ROBO1: variants seen among roughly 807,000 people sequenced by gnomAD.
ROBO1 encodes the protein roundabout homolog 1.
ROBO1 carries 149 observed loss-of-function variants against 195.9 expected under a neutral mutation model. The observed-to-expected ratio is 0.76, with a 90% CI of 0.67 to 0.87. ROBO1 has a LOEUF of 0.87. Ranked by LOEUF, ROBO1 falls within the 40% of genes least tolerant of loss-of-function variation. ROBO1 has a pLI of 0.00. For synonymous variants in ROBO1, 816 were observed against 733.2 expected (o/e 1.11, Z -1.82); for missense variants, 1,933 against 2,068.3 (o/e 0.93, Z 1.27).
chr3:78,670,386 T>A, intron 10 of ROBO1, 85 bp from the exon 11 acceptor site: 1 of 1,150,480 alleles, frequency 8.7e-7, no homozygotes, highest in Non-Finnish European at 1.2e-6. Flanking sequence ...GTTCTAGGCT[T>A]TGAAACAAAC....
chr3:79,391,743 A>T (rs182756112), intron 2 of ROBO1, among the ~76,000 whole-genome samples: 1 of 152,180 alleles, frequency 6.6e-6, no homozygotes, highest in African/African-American at 2.4e-5. Flanking sequence ...ATATACTGTT[A>T]TAGCCACTAG....
chr3:79,135,245 C>T (rs1256139129), intron 2 of ROBO1, among the ~76,000 whole-genome samples: 1 of 152,072 alleles, frequency 6.6e-6, no homozygotes, highest in Non-Finnish European at 1.5e-5. Flanking sequence ...TTTTACACTG[C>T]AAAAGTATCA....
intron 2 of ROBO1, among the ~76,000 whole-genome samples, chr3:79,561,427 A>G (rs1942916594): frequency 6.6e-6 from 1 of 152,180 alleles, no homozygotes; most frequent in Non-Finnish European, 1.5e-5. Flanking sequence ...TATGTGCCCT[A>G]AAAATTGATA....
chr3:78,956,294 C>T (rs1006110138), intron 3 of ROBO1, among the ~76,000 whole-genome samples: 1 of 151,896 alleles, frequency 6.6e-6, no homozygotes, highest in Non-Finnish European at 1.5e-5. Context: ...ACATTTAATG[C>T]AAAAAGATTA....
chr3:78,892,781 C>A (rs1333602527), intron 4 of ROBO1, among the ~76,000 whole-genome samples: 1 of 152,128 alleles, frequency 6.6e-6, no homozygotes, highest in African/African-American at 2.4e-5. Context: ...ATATATCAAG[C>A]CATTTCTAGT....
In ROBO1 at chr3:78,670,722, T is replaced by C. The variant is rs138817609; in HGVS notation, c.1343-421A>G. On this transcript the variant is annotated intron_variant, in intron 10 of 30. Coordinates refer to ENST00000464233, the MANE Select transcript of ROBO1 (RefSeq NM_002941.4). ...TTTTAATAAATGAAGCAAAGCCAAA[T>C]TGACATTTCATAACTTGTACAACAG... is the stretch of plus-strand genomic sequence containing the variant. Among the ~76,000 whole-genome samples the C allele has an allele frequency of 4.5e-3, 683 of 152,252 alleles. 2 individuals are homozygous for C. Among genetic ancestry groups the C allele is most frequent in the Non-Finnish European group, 6.8e-3 (464 of 68,004 alleles).
intron 2 of ROBO1, among the ~76,000 whole-genome samples, chr3:79,245,927 C>T (rs1294518324): frequency 6.6e-6 from 1 of 152,086 alleles, no homozygotes; most frequent in Non-Finnish European, 1.5e-5. Flanking sequence ...CATTTAAATA[C>T]ACTTTTCCCT....
chr3:79,655,895 A>G (rs1196580049), intron 1 of ROBO1, among the ~76,000 whole-genome samples: 2 of 152,096 alleles, frequency 1.3e-5, no homozygotes, highest in African/African-American at 2.4e-5. Context: ...ATGATAATAC[A>G]TATAAAGATG....
At chr3:79,333,437 C>A (rs981849186) in intron 2 of ROBO1, among the ~76,000 whole-genome samples, 1 of 151,868 alleles carries the variant, frequency 6.6e-6, no homozygotes, top group Non-Finnish European at 1.5e-5. Context: ...ATGTAAATCG[C>A]ACATATCCTC....
chr3:79,522,118 C>A (rs539761612), intron 2 of ROBO1, among the ~76,000 whole-genome samples: 4 of 152,206 alleles, frequency 2.6e-5, no homozygotes, highest in South Asian at 4.1e-4. Flanking sequence ...TGTGGCTGTG[C>A]AACTCCAAAG....
chr3:78,638,856 GA>G (rs1234926831), intron 22 of ROBO1, among the ~76,000 whole-genome samples: 1 of 151,202 alleles, frequency 6.6e-6, no homozygotes, highest in Non-Finnish European at 1.5e-5. Context: ...CCTAGGTGAA[GA>G]GCGAGATTCT....
intron 3 of ROBO1, among the ~76,000 whole-genome samples, chr3:79,116,191 A>C: frequency 6.6e-6 from 1 of 152,056 alleles, no homozygotes; most frequent in East Asian, 1.9e-4. Flanking sequence ...CTTAATTTCC[A>C]TACATAAAAT....
chr3:79,187,637 C>A (rs550019800), intron 2 of ROBO1, among the ~76,000 whole-genome samples: 1 of 151,906 alleles, frequency 6.6e-6, no homozygotes, highest in Non-Finnish European at 1.5e-5. Flanking sequence ...AAACAGATGG[C>A]CCCAGGATTA....
At chr3:79,013,622 G>C (rs182863727) in intron 3 of ROBO1, among the ~76,000 whole-genome samples, 1 of 152,102 alleles carries the variant, frequency 6.6e-6, no homozygotes, top group African/African-American at 2.4e-5. Context: ...TTTCGACTAG[G>C]AAAATGCACA....
chr3:79,395,340 A>AAAAGAAAGAAAGAAAGAAAGAAAG (rs71127382), intron 2 of ROBO1, among the ~76,000 whole-genome samples: 19 of 119,074 alleles, frequency 1.6e-4, no homozygotes, highest in African/African-American at 4.9e-4. Context: ...AAAAAAAAAA[A>AAAAGAAAGAAAGAAAGAAAGAAAG]AAAGAAAGAA....
chr3:79,469,464 T>C (rs1343157520), intron 2 of ROBO1, among the ~76,000 whole-genome samples: 11 of 152,140 alleles, frequency 7.2e-5, no homozygotes. Flanking sequence ...GCCTTTAAAA[T>C]TGAATGACCT....
chr3:78,654,726 T>C (rs370066673), intron 18 of ROBO1, among the ~76,000 whole-genome samples: 6 of 152,292 alleles, frequency 3.9e-5, no homozygotes, highest in South Asian at 2.1e-4. Context: ...TGGAACTCAT[T>C]TGTAATTTCA....
At chr3:79,180,687 T>G (rs2081325833) in intron 2 of ROBO1, among the ~76,000 whole-genome samples, 1 of 152,098 alleles carries the variant, frequency 6.6e-6, no homozygotes, top group Admixed American at 6.5e-5. Flanking sequence ...TGGCACATAG[T>G]AATAAAAGCC....
intron 2 of ROBO1, among the ~76,000 whole-genome samples, chr3:79,276,425 A>C (rs2031040196): frequency 6.6e-6 from 1 of 152,184 alleles, no homozygotes; most frequent in African/African-American, 2.4e-5. Flanking sequence ...ATGCAGAAGA[A>C]TGAAACTAAA....
Sources: allele counts gnomAD v4.1 joint callset (sites outside exome capture counted in the v4.1 genomes callset), GRCh38; gene constraint gnomAD v4.1.1; transcripts MANE v1.5; gene names NCBI Gene and HGNC (gene_info 2026-07-23, HGNC 2026-07-21).